Variants in COL8A1 observed in about 807,000 individuals in gnomAD.
The protein encoded by COL8A1 is collagen alpha-1(VIII) chain.
A neutral mutation model predicts 42.7 loss-of-function variants in COL8A1; 21 were observed. The observed-to-expected ratio is 0.49, with a 90% CI of 0.35 to 0.71. COL8A1 has a LOEUF of 0.71. COL8A1 is among the 30% of genes least tolerant of loss of function. The probability of loss-of-function intolerance (pLI) is 0.01; values close to 1 mark genes in which losing one functional copy is unlikely to be tolerated. For synonymous variants in COL8A1, 367 were observed against 369.1 expected (o/e 0.99, Z 0.06); for missense variants, 788 against 962.4 (o/e 0.82, Z 2.40).
Position 99,796,159 on chromosome 3 carries a change from G to A in COL8A1, c.*23G>A. The stretch of plus-strand genomic sequence containing the variant: ...TAAAAACAAAAAAACAAAAAACAAA[G>A]AAAAGAAAGAGATTTTATAGAAGAA... On this transcript the variant is annotated 3_prime_UTR_variant, in exon 4 of 4. Transcript: ENST00000652472. 1 of 1,427,392 alleles carries A rather than the reference G, an allele frequency of 7.0e-7. No individual in the cohort carries two copies. Among genetic ancestry groups the A allele is most frequent in the Non-Finnish European group, 9.2e-7 (1 of 1,082,828 alleles). 88.4% of individuals were successfully genotyped at this position (1,427,392 alleles called of 1,614,324 possible).
At chr3:99,669,395 G>C (rs1257626460) in intron 1 of COL8A1, among the ~76,000 whole-genome samples, 1 of 151,814 alleles carries the variant, frequency 6.6e-6, no homozygotes, top group Non-Finnish European at 1.5e-5. Flanking sequence ...TTCCAGACAG[G>C]AGCAGGGTCT....
intron 1 of COL8A1, among the ~76,000 whole-genome samples, chr3:99,705,605 A>G (rs144076447): frequency 4.6e-5 from 7 of 152,334 alleles, no homozygotes; most frequent in Non-Finnish European, 1.0e-4. Context: ...AGAGGTATCT[A>G]TCATAATACT....
intron 1 of COL8A1, among the ~76,000 whole-genome samples, chr3:99,728,575 T>C (rs1472320857): frequency 2.6e-5 from 4 of 152,064 alleles, no homozygotes; most frequent in Non-Finnish European, 5.9e-5. Flanking sequence ...ATACAACTTT[T>C]AACCTCAGGA....
At chr3:99,777,714 T>C (rs1381134406) in intron 2 of COL8A1, among the ~76,000 whole-genome samples, 1 of 152,202 alleles carries the variant, frequency 6.6e-6, no homozygotes, top group East Asian at 1.9e-4. Flanking sequence ...GTGTAACTGT[T>C]TCTGAGGAGT....
chr3:99,744,572 C>T (rs1326653986), intron 1 of COL8A1, among the ~76,000 whole-genome samples: 1 of 152,100 alleles, frequency 6.6e-6, no homozygotes, highest in East Asian at 1.9e-4. Context: ...TAACTTTTTT[C>T]CCTGAGGTAT....
At chr3:99,678,508 C>T (rs911876170) in intron 1 of COL8A1, 4 of 151,988 alleles carry the variant, frequency 2.6e-5, no homozygotes, top group African/African-American at 9.7e-5. Context: ...AGCTTTGAGA[C>T]CAAGAAATGT....
At chr3:99,719,304 A>AT (rs1216463402) in intron 1 of COL8A1, among the ~76,000 whole-genome samples, 24 of 152,036 alleles carry the variant, frequency 1.6e-4, no homozygotes, top group African/African-American at 5.8e-4. Context: ...AGATACAAAT[A>AT]TTTTTTACAA....
At position 99,736,830 on chromosome 3, in the gene COL8A1, G is replaced by C. The variant is rs1940735280; in HGVS notation, c.-128-8067G>C. ...TTGATCTGTCTAATGTTGACAGTGG[G>C]GTGTTAAAGTCTCCCATTATTAATG... On this transcript the variant is annotated intron_variant, in intron 1 of 3. Coordinates refer to ENST00000652472, the MANE Select transcript of COL8A1 (RefSeq NM_020351.4). 4.6e-5 allele frequency among the ~76,000 whole-genome samples: 7 copies of C among 151,946 alleles called. No homozygotes were observed. In the South Asian group the frequency reaches 1.5e-3, roughly 32 times the overall value.
At chr3:99,727,485 G>T (rs1338446600) in intron 1 of COL8A1, among the ~76,000 whole-genome samples, 4 of 152,014 alleles carry the variant, frequency 2.6e-5, no homozygotes, top group Non-Finnish European at 5.9e-5. Flanking sequence ...ATTAATTTTT[G>T]TATAAGGTGT....
intron 1 of COL8A1, among the ~76,000 whole-genome samples, chr3:99,687,866 C>T (rs1939109218): frequency 6.6e-6 from 1 of 152,118 alleles, no homozygotes; most frequent in South Asian, 2.1e-4. Flanking sequence ...CACAATAGTT[C>T]CTTGTACTCT....
intron 1 of COL8A1, among the ~76,000 whole-genome samples, chr3:99,644,553 TGACA>T (rs1413285235): frequency 6.6e-6 from 1 of 152,238 alleles, no homozygotes; most frequent in African/African-American, 2.4e-5. Flanking sequence ...GAAGCATGCC[TGACA>T]ATTATTTCCA....
At chr3:99,740,690 G>A (rs965587851) in intron 1 of COL8A1, among the ~76,000 whole-genome samples, 1 of 152,140 alleles carries the variant, frequency 6.6e-6, no homozygotes, top group Non-Finnish European at 1.5e-5. Context: ...AGATTTGGGT[G>A]AGGACACAGC....
At chr3:99,727,362 G>A (rs1344532484) in intron 1 of COL8A1, among the ~76,000 whole-genome samples, 1 of 152,118 alleles carries the variant, frequency 6.6e-6, no homozygotes, top group Non-Finnish European at 1.5e-5. Flanking sequence ...TCTGCAAACA[G>A]GGACAATTTG....
At position 99,789,081 on chromosome 3, in the gene COL8A1, A is replaced by G. The variant is rs569246107; in HGVS notation, c.-3-1599A>G. 3.9e-5 allele frequency among the ~76,000 whole-genome samples: 6 copies of G among 152,244 alleles called. No homozygotes were observed. In the South Asian group the frequency reaches 1.2e-3, roughly 32 times the overall value. On this transcript the variant is annotated intron_variant, in intron 2 of 3. Transcript: ENST00000652472. ...CAGGGAAAAAATGATTTGTTAGTGT[A>G]TTTAGAAAGATTGTAAAGCTTGAAT...
chr3:99,794,511 C>A lies in COL8A1; in HGVS notation c.610C>A (p.Leu204Ile). 1.9e-6 allele frequency: 3 copies of A among 1,614,036 alleles called. No individual in the cohort carries two copies. Among genetic ancestry groups the A allele is most frequent in the Non-Finnish European group, 2.5e-6 (3 of 1,179,956 alleles). Residue 204 changes from leucine to isoleucine, a missense_variant, in exon 4 of 4, where the codon CTT becomes ATT. Physicochemically the swap from Leu to Ile is conservative, Grantham distance 5. This residue lies in a region of COL8A1 where 421 missense variants were observed against 553.1 expected (regional missense o/e 0.76). Coordinates refer to ENST00000652472, the MANE Select transcript of COL8A1 (RefSeq NM_020351.4). The surrounding 1 kb of genome is among the most constrained non-coding windows in gnomAD (Gnocchi z 4.3). ...GPQGPPGPHG[L>I]PGIGKPGGPG... ...ACAAGGACCTCCAGGGCCTCATGGACTTCCTGGCATTGGGAAGCCAGGTGG... is the reference window on the plus strand; with the variant it reads ...ACAAGGACCTCCAGGGCCTCATGGAATTCCTGGCATTGGGAAGCCAGGTGG...
At chr3:99,682,578 CTT>C in intron 1 of COL8A1, among the ~76,000 whole-genome samples, 1 of 150,666 alleles carries the variant, frequency 6.6e-6, no homozygotes, top group East Asian at 1.9e-4. Flanking sequence ...TCTGGTCTGA[CTT>C]TTATGTTCAG....
chr3:99,657,653 C>G (rs1270542110), intron 1 of COL8A1, among the ~76,000 whole-genome samples: 1 of 152,188 alleles, frequency 6.6e-6, no homozygotes, highest in African/African-American at 2.4e-5. Flanking sequence ...GTCTCTTATG[C>G]CTTCCCTCCT....
intron 1 of COL8A1, among the ~76,000 whole-genome samples, chr3:99,720,960 T>C (rs1415104193): frequency 2.0e-5 from 3 of 152,012 alleles, no homozygotes; most frequent in African/African-American, 7.2e-5. Flanking sequence ...CAGTGCTTTG[T>C]TGATTTCAGT....
At chr3:99,702,958 C>T (rs1250400626) in intron 1 of COL8A1, among the ~76,000 whole-genome samples, 1 of 152,058 alleles carries the variant, frequency 6.6e-6, no homozygotes, top group East Asian at 1.9e-4. Context: ...GAGAAAAGCC[C>T]ATGCAAATAT....
Sources: gnomAD v4.1 joint callset for allele counts (sites outside exome capture counted in the v4.1 genomes callset) on GRCh38, gnomAD v4.1.1 for gene constraint, gnomAD v4.1.1 regional missense constraint, Gnocchi (gnomAD v3.1) non-coding constraint, MANE v1.5 for transcripts, NCBI Gene and HGNC (gene_info 2026-07-23, HGNC 2026-07-21) for gene names.